Variants in SPATA32 observed in about 807,000 individuals in gnomAD.
SPATA32 encodes the protein spermatogenesis-associated protein 32.
SPATA32 carries 28 observed loss-of-function variants against 35.4 expected under a neutral mutation model. That is an observed-to-expected ratio of 0.79 (90% CI 0.59 to 1.09). The LOEUF (loss-of-function observed/expected upper bound fraction) is 1.09, where lower values mean the gene tolerates loss of function less well. Among genes scored for constraint, SPATA32 ranks in the 50% least tolerant of loss-of-function variants. SPATA32 has a pLI of 0.00. For synonymous variants in SPATA32, 168 were observed against 196.3 expected (o/e 0.86, Z 1.20); for missense variants, 409 against 475.9 (o/e 0.86, Z 1.31).
Position 45,255,896 on chromosome 17 carries a change from C to T in SPATA32, c.286G>A (p.Glu96Lys). Reference sequence around the variant, plus strand: ...TGCATGGGTTCTTCAAAGTCAGACTCCTCGTTCGAGTTGGCTTCCGTGTCC... The same window carrying T: ...TGCATGGGTTCTTCAAAGTCAGACTTCTCGTTCGAGTTGGCTTCCGTGTCC... The part of the protein sequence containing the change: ...ELDTEANSNE[E>K]SDFEEPMQLV... The change falls in exon 4 of 5, where the codon GAG becomes AAG. Residue 96 changes from glutamate to lysine, a missense_variant. Transcript: ENST00000331780. The surrounding 1 kb of genome is among the most constrained non-coding windows in gnomAD (Gnocchi z 5.4). The T allele has an allele frequency of 6.2e-7, 1 of 1,614,126 alleles. No homozygotes were observed. The highest frequency in any genetic ancestry group is 8.5e-7 in the Non-Finnish European group (1 of 1,180,024).
chr17:45,262,023 C>T lies in SPATA32; in HGVS notation c.-7G>A. The T allele has an allele frequency of 1.5e-6, 2 of 1,312,136 alleles. No individual in the cohort carries two copies. Among genetic ancestry groups the T allele is most frequent in the South Asian group, 3.1e-5 (1 of 31,990 alleles). 81.3% of individuals were successfully genotyped at this position (1,312,136 alleles called of 1,614,324 possible). ...TCCCACCTGTCACCCCCATGCAGAC[C>T]GAGGCTCTGTCCTGGAGGCGGGGAG... On this transcript the variant is annotated 5_prime_UTR_variant, in exon 1 of 5. Coordinates refer to ENST00000331780, the MANE Select transcript of SPATA32 (RefSeq NM_152343.3).
chr17:45,259,011 T>C (rs1182539028), intron 1 of SPATA32, among the ~76,000 whole-genome samples: 1 of 150,096 alleles, frequency 6.7e-6, no homozygotes, highest in Non-Finnish European at 1.5e-5. Context: ...GCAACTATAC[T>C]AAAATCTTAT....
chr17:45,255,708 GA>G lies in SPATA32; in HGVS notation c.473del (p.Phe158SerfsTer81). On this transcript the variant is annotated frameshift_variant, in exon 4 of 5. Coordinates refer to ENST00000331780, the MANE Select transcript of SPATA32 (RefSeq NM_152343.3). LOFTEE classifies it high-confidence loss of function. This position sits in a 1 kb window ranked among gnomAD's most constrained non-coding sequence, Gnocchi z 5.4. ...AGGCCTGGATGAGCTTGTTTGCCCA[GA>G]AGAGGTGCTTGGAGGTCTGCGCACT... ...SISAQTSKHL[F>X]WANKLIQASE... The G allele has an allele frequency of 6.2e-7, 1 of 1,614,128 alleles. No homozygotes were observed. Among genetic ancestry groups the G allele is most frequent in the Non-Finnish European group, 8.5e-7 (1 of 1,180,046 alleles).
chr17:45,261,822 A>G, intron 1 of SPATA32, 182 bp downstream of exon 1: 1 of 547,072 alleles, frequency 1.8e-6, no homozygotes. Context: ...TGGGAGCCGT[A>G]GTCAGGGGCA....
At chr17:45,257,277 C>G in intron 1 of SPATA32, 70 bp from the exon 2 acceptor site, 1 of 1,502,106 alleles carries the variant, frequency 6.7e-7, no homozygotes, top group Non-Finnish European at 9.1e-7. Context: ...ATTCCGGAGC[C>G]AGCCCCCTTT....
In SPATA32 at chr17:45,255,056, A is replaced by G; in HGVS notation, c.1067+59T>C. 1.3e-6 allele frequency: 2 copies of G among 1,532,592 alleles called. No individual in the cohort carries two copies. The highest frequency in any genetic ancestry group is 2.3e-5 in the South Asian group (2 of 86,346). 94.9% of individuals were successfully genotyped at this position (1,532,592 alleles called of 1,614,324 possible). ...CCCACCCCTACCCAGCTGTGTGAGG[A>G]CCCCTGCCACGTTCTAGCACAGCCC... On this transcript the variant is annotated intron_variant, in intron 4 of 4. Transcript: ENST00000331780. This position sits in a 1 kb window ranked among gnomAD's most constrained non-coding sequence, Gnocchi z 5.4.
In SPATA32 at chr17:45,256,472, G is replaced by T; in HGVS notation, c.69-57C>A. 6.7e-7 allele frequency: 1 copy of T among 1,494,398 alleles called. No homozygotes were observed. Among genetic ancestry groups the T allele is most frequent in the East Asian group, 2.3e-5 (1 of 44,426 alleles). The allele number at this position is 1,494,398 out of a possible 1,614,324, so 92.6% of individuals were successfully genotyped here. A position where few individuals can be genotyped will look rare whatever the true frequency, so the allele number is the denominator to read the frequency against. ...GGATCTGTGGGGCTTCAGCGGGAAG[G>T]GGGTTTCTGGGGCCCTCAAAGCCCT... On this transcript the variant is annotated intron_variant, in intron 2 of 4. Transcript: ENST00000331780. The surrounding 1 kb of genome is among the most constrained non-coding windows in gnomAD (Gnocchi z 4.7).
At chr17:45,260,178 T>C (rs1353965051) in intron 1 of SPATA32, 1 of 151,576 alleles carries the variant, frequency 6.6e-6, no homozygotes, top group East Asian at 1.9e-4. Context: ...TCAAGCGATC[T>C]TCCCATCTTG....
In SPATA32 at chr17:45,258,527, C is replaced by T. The variant is rs193170206; in HGVS notation, c.14-1320G>A. Among the ~76,000 whole-genome samples the T allele has an allele frequency of 6.6e-5, 10 of 152,336 alleles. No individual in the cohort carries two copies. The East Asian group carries it at 1.7e-3, about 26-fold the overall frequency. On this transcript the variant is annotated intron_variant, in intron 1 of 4. Coordinates refer to ENST00000331780, the MANE Select transcript of SPATA32 (RefSeq NM_152343.3). ...CTGTTGTGTGAGCCTCTTAACAGCA[C>T]TGGGGGCTGGGAGAAAAAGTCAGAC...
chr17:45,261,848 C>T (rs1474264862), intron 1 of SPATA32, 156 bp downstream of exon 1: 8 of 813,134 alleles, frequency 9.8e-6, no homozygotes, highest in East Asian at 3.3e-5. Context: ...TGGGCTTTGG[C>T]GGCGGGTCGA....
Position 45,256,144 on chromosome 17 carries a change from C to T in SPATA32, c.109-71G>A, listed in dbSNP as rs1485982544. ...CTGCCCCTGAGGCCCTCCCTGGCACCGAGTCCCTGCCCCACCCCTGCCCTG... is the reference window on the plus strand; with the variant it reads ...CTGCCCCTGAGGCCCTCCCTGGCACTGAGTCCCTGCCCCACCCCTGCCCTG... On this transcript the variant is annotated intron_variant, in intron 3 of 4. Coordinates refer to ENST00000331780, the MANE Select transcript of SPATA32 (RefSeq NM_152343.3). The surrounding 1 kb of genome is among the most constrained non-coding windows in gnomAD (Gnocchi z 4.7). The T allele has an allele frequency of 4.7e-6, 7 of 1,503,724 alleles. No homozygotes were observed. Among genetic ancestry groups the T allele is most frequent in the African/African-American group, 1.4e-5 (1 of 72,190 alleles). The allele number at this position is 1,503,724 out of a possible 1,614,324, so 93.1% of individuals were successfully genotyped here. A position where few individuals can be genotyped will look rare whatever the true frequency, so the allele number is the denominator to read the frequency against.
Position 45,262,008 on chromosome 17 carries a change from C to T in SPATA32, c.9G>A (p.Val3=), listed in dbSNP as rs767726711. 7.6e-7 allele frequency: 1 copy of T among 1,312,586 alleles called. No individual in the cohort carries two copies. The highest frequency in any genetic ancestry group is 9.8e-7 in the Non-Finnish European group (1 of 1,021,898). 81.3% of individuals were successfully genotyped at this position (1,312,586 alleles called of 1,614,324 possible). Residue 3 remains valine, a synonymous_variant, in exon 1 of 5, where the codon GTG becomes GTA. Transcript: ENST00000331780. ...CGGGCGCTCGGCCGCTCCCACCTGT[C>T]ACCCCCATGCAGACCGAGGCTCTGT... MG[V]TGAHGFPCCG... is the part of the protein sequence containing the mutation.
chr17:45,258,593 T>A (rs2043978138), intron 1 of SPATA32, among the ~76,000 whole-genome samples: 1 of 152,184 alleles, frequency 6.6e-6, no homozygotes, highest in Non-Finnish European at 1.5e-5. Context: ...CTTGAGAATG[T>A]TCTATTAGGG....
chr17:45,261,515 A>G (rs1474753488), intron 1 of SPATA32, among the ~76,000 whole-genome samples: 2 of 152,144 alleles, frequency 1.3e-5, no homozygotes, highest in African/African-American at 4.8e-5. Flanking sequence ...GGGGGCAAAC[A>G]TCTTTGCTCA....
chr17:45,254,716 C>A (rs939759510), intron 4 of SPATA32, among the ~76,000 whole-genome samples: 1 of 152,166 alleles, frequency 6.6e-6, no homozygotes, highest in Non-Finnish European at 1.5e-5. Context: ...CTCATTCTCC[C>A]CTCAAGAAAA....
At position 45,256,522 on chromosome 17, in the gene SPATA32, G is replaced by C; in HGVS notation, c.69-107C>G. The C allele has an allele frequency of 1.0e-6, 1 of 975,250 alleles. No individual in the cohort carries two copies. Among genetic ancestry groups the C allele is most frequent in the Non-Finnish European group, 1.6e-6 (1 of 609,978 alleles). 60.4% of individuals were successfully genotyped at this position (975,250 alleles called of 1,614,324 possible). ...TCTGCCTTGTAACAGAAGCTGGCACGATGCACCTCCCGCCGACCACCCCGC... is the reference window on the plus strand; with the variant it reads ...TCTGCCTTGTAACAGAAGCTGGCACCATGCACCTCCCGCCGACCACCCCGC... On this transcript the variant is annotated intron_variant, in intron 2 of 4. Coordinates refer to ENST00000331780, the MANE Select transcript of SPATA32 (RefSeq NM_152343.3). The surrounding 1 kb of genome is among the most constrained non-coding windows in gnomAD (Gnocchi z 4.7).
chr17:45,255,907 T>A lies in SPATA32; in HGVS notation c.275A>T (p.Asn92Ile), dbSNP rs778610757. The change falls in exon 4 of 5, where the codon AAC (asparagine) becomes ATC (isoleucine). Residue 92 changes from asparagine to isoleucine, a missense_variant. Coordinates refer to ENST00000331780, the MANE Select transcript of SPATA32 (RefSeq NM_152343.3). The surrounding 1 kb of genome is among the most constrained non-coding windows in gnomAD (Gnocchi z 5.4). Reference sequence around the variant, plus strand: ...TTCAAAGTCAGACTCCTCGTTCGAGTTGGCTTCCGTGTCCAGCTCAGCTTC... The same window carrying A: ...TTCAAAGTCAGACTCCTCGTTCGAGATGGCTTCCGTGTCCAGCTCAGCTTC... ...KLEAELDTEA[N>I]SNEESDFEEP... 4 of 1,614,072 alleles carry A rather than the reference T, an allele frequency of 2.5e-6. No homozygotes were observed. The highest frequency in any genetic ancestry group is 2.2e-5 in the East Asian group (1 of 44,878).
chr17:45,256,696 A>G lies in SPATA32; in HGVS notation c.69-281T>C, dbSNP rs1330336159. Among the ~76,000 whole-genome samples, 1 of 152,102 alleles carries G rather than the reference A, an allele frequency of 6.6e-6. No homozygotes were observed. The highest frequency in any genetic ancestry group is 1.5e-5 in the Non-Finnish European group (1 of 67,996). ...ATCCAGTTGGTTGGAGGTAAGGCCC[A>G]GGAATCTCATTTTTATCAAGCACTG... On this transcript the variant is annotated intron_variant, in intron 2 of 4. Coordinates refer to ENST00000331780, the MANE Select transcript of SPATA32 (RefSeq NM_152343.3). The surrounding 1 kb of genome is among the most constrained non-coding windows in gnomAD (Gnocchi z 4.7).
Position 45,256,209 on chromosome 17 carries a change from G to T in SPATA32, c.109-136C>A. 1 of 1,243,136 alleles carries T rather than the reference G, an allele frequency of 8.0e-7. No homozygotes were observed. Among genetic ancestry groups the T allele is most frequent in the South Asian group, 1.3e-5 (1 of 76,240 alleles). The allele number at this position is 1,243,136 out of a possible 1,614,324, so 77.0% of individuals were successfully genotyped here. ...CCCCCCGCCCCCTAACCCCATGCCT[G>T]CCTCCTCTCAGAGACCTGCCCGGTG... On this transcript the variant is annotated intron_variant, in intron 3 of 4. Coordinates refer to ENST00000331780, the MANE Select transcript of SPATA32 (RefSeq NM_152343.3). The surrounding 1 kb of genome is among the most constrained non-coding windows in gnomAD (Gnocchi z 4.7).
Sources: gnomAD v4.1 joint callset for allele counts (sites outside exome capture counted in the v4.1 genomes callset) on GRCh38, gnomAD v4.1.1 for gene constraint, Gnocchi (gnomAD v3.1) non-coding constraint, MANE v1.5 for transcripts, NCBI Gene and HGNC (gene_info 2026-07-23, HGNC 2026-07-21) for gene names.